Variants in AZIN1 observed in about 807,000 individuals in gnomAD.
AZIN1 encodes ornithine decarboxylase antizyme inhibitor.
A neutral mutation model predicts 47.4 loss-of-function variants in AZIN1; 12 were observed. That is an observed-to-expected ratio of 0.25 (90% CI 0.16 to 0.41). AZIN1 has a LOEUF of 0.41. Ranked by LOEUF, AZIN1 falls within the 10% of genes least tolerant of loss-of-function variation. The pLI is 1.00. For missense variants in AZIN1, 410 were observed against 532.4 expected, an observed-to-expected ratio of 0.77 and a Z score of 2.26; for synonymous variants, 155 against 176.3, an observed-to-expected ratio of 0.88 and a Z score of 0.96.
chr8:102,862,654 C>T (rs976283533), intron 1 of AZIN1, among the ~76,000 whole-genome samples: 4 of 152,306 alleles, frequency 2.6e-5, no homozygotes, highest in African/African-American at 4.8e-5. Context: ...CTTTGATGCA[C>T]CTCTACATCA....
chr8:102,828,436 G>C lies in AZIN1; in HGVS notation c.*131C>G. 3.6e-6 allele frequency: 2 copies of C among 559,604 alleles called. No individual in the cohort carries two copies. The highest frequency in any genetic ancestry group is 3.1e-6 in the Non-Finnish European group (1 of 319,170). The allele number at this position is 559,604 out of a possible 1,614,324, so 34.7% of individuals were successfully genotyped here. ...AGCTGATTTTGTCTGGTCCCAAATA[G>C]CTATTACTAATAGTTTTTGTTGCCA... On this transcript the variant is annotated 3_prime_UTR_variant, in exon 12 of 12. Transcript: ENST00000337198.
chr8:102,845,677 G>C (rs953631308), intron 2 of AZIN1, among the ~76,000 whole-genome samples: 2 of 151,968 alleles, frequency 1.3e-5, no homozygotes, highest in Non-Finnish European at 2.9e-5. Context: ...ATAAATATAA[G>C]AAAATAAGGT....
At chr8:102,830,763 TG>T (rs1167914846) in intron 9 of AZIN1, among the ~76,000 whole-genome samples, 1 of 152,104 alleles carries the variant, frequency 6.6e-6, no homozygotes, top group Non-Finnish European at 1.5e-5. Context: ...ACCTACTGAC[TG>T]GATCAACTTA....
intron 7 of AZIN1, 120 bp from the exon 8 acceptor site, chr8:102,834,383 T>C: frequency 1.3e-6 from 1 of 793,148 alleles, no homozygotes; most frequent in Non-Finnish European, 2.0e-6. Context: ...AGCAAATTCT[T>C]GGTTTTTTAC....
chr8:102,836,296 C>T lies in AZIN1; in HGVS notation c.544G>A (p.Glu182Lys). 1 of 1,613,946 alleles carries T rather than the reference C, an allele frequency of 6.2e-7. No individual in the cohort carries two copies. The highest frequency in any genetic ancestry group is 8.5e-7 in the Non-Finnish European group (1 of 1,179,832). Residue 182 changes from glutamate (E) to lysine (K), a missense_variant, in exon 6 of 12, where the codon GAA becomes AAA. By Grantham distance (56) the Glu-to-Lys change is moderately conservative (BLOSUM62 1). This residue lies in a region of AZIN1 where 237 missense variants were observed against 309.4 expected (regional missense o/e 0.77). Coordinates refer to ENST00000337198, the MANE Select transcript of AZIN1 (RefSeq NM_148174.4). ...TGGACATCAAGTTCCTTAGCACATT[C>T]CAAGAGATGCCTACAGTTCTTCAGG... ...TTLKNCRHLL[E>K]CAKELDVQII... is the part of the protein sequence containing the mutation.
At chr8:102,854,374 CG>C (rs1265009196) in intron 2 of AZIN1, 4 of 151,564 alleles carry the variant, frequency 2.6e-5, no homozygotes, top group African/African-American at 9.7e-5. Flanking sequence ...GCAAGGGGGG[CG>C]GATCACCTGA....
At chr8:102,842,683 G>T (rs1812279998) in intron 3 of AZIN1, among the ~76,000 whole-genome samples, 1 of 149,934 alleles carries the variant, frequency 6.7e-6, no homozygotes, top group Non-Finnish European at 1.5e-5. Flanking sequence ...CTCCAGCCTG[G>T]GATACAGAGG....
intron 1 of AZIN1, among the ~76,000 whole-genome samples, chr8:102,859,393 T>G (rs748406121): frequency 1.1e-4 from 17 of 152,212 alleles, no homozygotes; most frequent in Non-Finnish European, 1.9e-4. Flanking sequence ...TCTCAATACA[T>G]ATATCCACAG....
intron 5 of AZIN1, 30 bp from the exon 6 acceptor site, chr8:102,836,420 G>A: frequency 6.2e-7 from 1 of 1,610,494 alleles, no homozygotes; most frequent in Non-Finnish European, 8.5e-7. Context: ...TTGGGGCAGA[G>A]TTGGTTTACA....
chr8:102,835,080 T>TAC (rs931596718), intron 6 of AZIN1: 24 of 185,972 alleles, frequency 1.3e-4, no homozygotes, highest in Middle Eastern at 2.3e-3. Context: ...TAACAAGCAC[T>TAC]ACCAAATCGT....
intron 8 of AZIN1, among the ~76,000 whole-genome samples, chr8:102,833,954 G>A (rs1811648753): frequency 6.6e-6 from 1 of 150,394 alleles, no homozygotes; most frequent in Non-Finnish European, 1.5e-5. Flanking sequence ...GTGCCATTAA[G>A]TACAGAAACA....
At chr8:102,846,557 C>G (rs1268298808) in intron 2 of AZIN1, among the ~76,000 whole-genome samples, 3 of 152,096 alleles carry the variant, frequency 2.0e-5, no homozygotes, top group Non-Finnish European at 2.9e-5. Flanking sequence ...TAGGTTAGCT[C>G]TAGAGATACT....
At chr8:102,852,630 T>A (rs1812985230) in intron 2 of AZIN1, among the ~76,000 whole-genome samples, 2 of 152,162 alleles carry the variant, frequency 1.3e-5, no homozygotes, top group African/African-American at 4.8e-5. Flanking sequence ...CGTGGTGGCA[T>A]GCACAACGTG....
intron 2 of AZIN1, among the ~76,000 whole-genome samples, chr8:102,851,473 T>C (rs1812913696): frequency 6.6e-6 from 1 of 152,170 alleles, no homozygotes. Context: ...TTTGGGAGGC[T>C]GACGCAGGTG....
intron 2 of AZIN1, among the ~76,000 whole-genome samples, chr8:102,844,576 A>T (rs1253046778): frequency 6.6e-6 from 1 of 152,084 alleles, no homozygotes; most frequent in African/African-American, 2.4e-5. Flanking sequence ...AGGAGAATCT[A>T]CATCAATTTC....
rs1371137756 is a variant in AZIN1 at position 102,859,591 on chromosome 8, G to A, written c.-233-1441C>T. On this transcript the variant is annotated intron_variant, in intron 1 of 11. Transcript: ENST00000337198. ...TTAAATACAAAAAATAGGGCTAGGC[G>A]CAGTGGCTCTGAGCCAGTGGATCAC... Among the ~76,000 whole-genome samples, 6 of 152,178 alleles carry A rather than the reference G, an allele frequency of 3.9e-5. No homozygotes were observed. The South Asian group carries it at 6.2e-4, about 16-fold the overall frequency.
intron 2 of AZIN1, chr8:102,855,497 G>C (rs1478664979): frequency 6.6e-6 from 1 of 152,180 alleles, no homozygotes; most frequent in Non-Finnish European, 1.5e-5. Flanking sequence ...TCTAAATTAT[G>C]AAAGAAAAGG....
chr8:102,831,183 G>A (rs906683215), intron 9 of AZIN1, among the ~76,000 whole-genome samples: 3 of 152,036 alleles, frequency 2.0e-5, no homozygotes, highest in African/African-American at 7.2e-5. Flanking sequence ...GAATAATGGA[G>A]ACATGTCAAG....
At chr8:102,853,827 T>C (rs541435011) in intron 2 of AZIN1, among the ~76,000 whole-genome samples, 59 of 139,878 alleles carry the variant, frequency 4.2e-4, no homozygotes, top group Non-Finnish European at 7.8e-4. Flanking sequence ...TATCACAGTA[T>C]CCTTAAAGTA....
Sources: gnomAD v4.1 joint callset for allele counts (sites outside exome capture counted in the v4.1 genomes callset) on GRCh38, gnomAD v4.1.1 for gene constraint, gnomAD v4.1.1 regional missense constraint, MANE v1.5 for transcripts, NCBI Gene and HGNC (gene_info 2026-07-23, HGNC 2026-07-21) for gene names.